Variants in DAB1 observed in about 807,000 individuals in gnomAD.
DAB1 encodes DAB adaptor protein 1.
In DAB1, 15 loss-of-function variants were observed where a neutral mutation model predicts 64.6. That is an observed-to-expected ratio of 0.23 (90% CI 0.16 to 0.36). The LOEUF is 0.36. Among genes scored for constraint, DAB1 ranks in the 10% least tolerant of loss-of-function variants. The probability of loss-of-function intolerance (pLI) is 1.00; values close to 1 mark genes in which losing one functional copy is unlikely to be tolerated. For synonymous variants in DAB1, 235 were observed against 251.9 expected (o/e 0.93, Z 0.64); for missense variants, 596 against 706.7 (o/e 0.84, Z 1.78).
chr1:57,153,316 G>A (rs1012998573), intron 2 of DAB1, among the ~76,000 whole-genome samples: 4 of 151,890 alleles, frequency 2.6e-5, no homozygotes, highest in Non-Finnish European at 4.4e-5. Flanking sequence ...ATGAGCCACC[G>A]CACCCAGCCC....
chr1:58,318,555 A>G (rs1434421710), intron 4 of DAB1, among the ~76,000 whole-genome samples: 1 of 152,210 alleles, frequency 6.6e-6, no homozygotes, highest in African/African-American at 2.4e-5. Context: ...GTATAGAAGA[A>G]CACACATTTT....
At chr1:57,809,226 G>A (rs1418269886) in intron 6 of DAB1, among the ~76,000 whole-genome samples, 2 of 152,118 alleles carry the variant, frequency 1.3e-5, no homozygotes, top group African/African-American at 4.8e-5. Context: ...ATGACTAACT[G>A]TGAATTAAGT....
chr1:57,094,727 G>A (rs1654001196), intron 4 of DAB1, among the ~76,000 whole-genome samples: 1 of 152,154 alleles, frequency 6.6e-6, no homozygotes, highest in Non-Finnish European at 1.5e-5. Context: ...ACCCACTGAA[G>A]GATCTTATCA....
intron 4 of DAB1, among the ~76,000 whole-genome samples, chr1:58,256,080 G>A (rs1252294286): frequency 6.6e-6 from 1 of 152,156 alleles, no homozygotes; most frequent in East Asian, 1.9e-4. Flanking sequence ...TGAGGGTATC[G>A]CTTCAGGCTC....
At chr1:57,914,237 C>G (rs537253042) in intron 5 of DAB1, among the ~76,000 whole-genome samples, 2 of 152,074 alleles carry the variant, frequency 1.3e-5, no homozygotes, top group Non-Finnish European at 1.5e-5. Context: ...AAATGTGGCA[C>G]ATATACACAT....
intron 4 of DAB1, among the ~76,000 whole-genome samples, chr1:58,185,193 T>A (rs1322681093): frequency 6.6e-6 from 1 of 152,178 alleles, no homozygotes; most frequent in Admixed American, 6.6e-5. Context: ...GTCCTACTCA[T>A]CAATCTGTCT....
At chr1:58,124,343 GTTATT>G (rs1207699085) in intron 5 of DAB1, among the ~76,000 whole-genome samples, 2 of 151,998 alleles carry the variant, frequency 1.3e-5, no homozygotes, top group African/African-American at 4.8e-5. Flanking sequence ...TTTACAATAT[GTTATT>G]TTCATCACTG....
At chr1:57,240,053 C>A (rs527473886) in intron 2 of DAB1, among the ~76,000 whole-genome samples, 3 of 152,324 alleles carry the variant, frequency 2.0e-5, no homozygotes, top group Non-Finnish European at 4.4e-5. Flanking sequence ...AATCCTCCAA[C>A]CACACTAAGC....
intron 7 of DAB1, among the ~76,000 whole-genome samples, chr1:57,451,410 T>G (rs568792792): frequency 1.5e-4 from 23 of 152,348 alleles, no homozygotes; most frequent in African/African-American, 5.1e-4. Flanking sequence ...AGTGAGAATC[T>G]TTTTTAGTGG....
intron 14 of DAB1, among the ~76,000 whole-genome samples, chr1:57,005,983 T>G (rs1646051984): frequency 6.6e-6 from 1 of 152,222 alleles, no homozygotes; most frequent in Admixed American, 6.5e-5. Context: ...CTAATTCTGT[T>G]AGCCAATTCT....
At chr1:57,170,551 T>C (rs541586836) in intron 2 of DAB1, among the ~76,000 whole-genome samples, 1 of 152,226 alleles carries the variant, frequency 6.6e-6, no homozygotes, top group Non-Finnish European at 1.5e-5. Flanking sequence ...TTAACCTGCT[T>C]TATAAATAAA....
At chr1:57,688,664 C>T (rs1488135801) in intron 6 of DAB1, among the ~76,000 whole-genome samples, 3 of 152,138 alleles carry the variant, frequency 2.0e-5, no homozygotes, top group African/African-American at 4.8e-5. Context: ...TGGAATCAAC[C>T]TAGGTGCCCA....
intron 5 of DAB1, among the ~76,000 whole-genome samples, chr1:57,996,537 T>C (rs1646427772): frequency 6.6e-6 from 1 of 152,216 alleles, no homozygotes. Flanking sequence ...CTATCATTCA[T>C]GAGCCCTTGC....
intron 5 of DAB1, among the ~76,000 whole-genome samples, chr1:58,124,908 T>C (rs114268451): frequency 0.049 from 7,475 of 152,258 alleles, 212 homozygotes; most frequent in Admixed American, 0.077. Context: ...TGGTAACTGC[T>C]ATAGTATGAA....
chr1:58,175,067 C>G (rs1203215342), intron 4 of DAB1, among the ~76,000 whole-genome samples: 1 of 152,222 alleles, frequency 6.6e-6, no homozygotes, highest in Non-Finnish European at 1.5e-5. Flanking sequence ...TGCTCGGGTC[C>G]CCCTCCATTC....
At chr1:57,654,196 C>A (rs1407701338) in intron 6 of DAB1, among the ~76,000 whole-genome samples, 1 of 151,500 alleles carries the variant, frequency 6.6e-6, no homozygotes, top group Admixed American at 6.6e-5. Flanking sequence ...AGAAGGGAGA[C>A]AACACACACC....
chr1:57,616,586 T>C (rs1645792598), intron 7 of DAB1, among the ~76,000 whole-genome samples: 1 of 152,132 alleles, frequency 6.6e-6, no homozygotes, highest in African/African-American at 2.4e-5. Flanking sequence ...AGGAGATCTA[T>C]AATGGCAGCG....
At chr1:58,462,240 C>T (rs1384744219) in intron 3 of DAB1, among the ~76,000 whole-genome samples, 1 of 151,578 alleles carries the variant, frequency 6.6e-6, no homozygotes, top group African/African-American at 2.4e-5. Context: ...CATTCTCCTG[C>T]CTCAGCCTCC....
intron 4 of DAB1, among the ~76,000 whole-genome samples, chr1:58,237,504 T>C (rs1054910497): frequency 6.6e-6 from 1 of 152,178 alleles, no homozygotes; most frequent in African/African-American, 2.4e-5. Context: ...GTTTTCAGTA[T>C]CACCTTGGGG....
Sources: allele counts gnomAD v4.1 joint callset (sites outside exome capture counted in the v4.1 genomes callset), GRCh38; gene constraint gnomAD v4.1.1; transcripts MANE v1.5; gene names NCBI Gene and HGNC (gene_info 2026-07-23, HGNC 2026-07-21).